The following LHX4 variants were observed in gnomAD, a reference collection of about 807,000 sequenced individuals.
LHX4 encodes the protein LIM/homeobox protein Lhx4.
In LHX4, 16 loss-of-function variants were observed where a neutral mutation model predicts 39.2. The ratio of observed to expected loss-of-function variants is 0.41; its 90% CI spans 0.28 to 0.62. LHX4 has a LOEUF of 0.62. Ranked by LOEUF, LHX4 falls within the 20% of genes least tolerant of loss-of-function variation. LHX4 has a pLI of 0.33. For missense variants in LHX4, 439 were observed against 511.9 expected (o/e 0.86, Z 1.37); for synonymous variants, 206 against 198.1 (o/e 1.04, Z -0.33).
At chr1:180,259,787 G>A (rs774608833) in intron 2 of LHX4, among the ~76,000 whole-genome samples, 15 of 151,650 alleles carry the variant, frequency 9.9e-5, no homozygotes, top group Admixed American at 2.0e-4. Flanking sequence ...AAGGAGGGAA[G>A]CGAGGGACAG....
At chr1:180,264,928 C>G (rs1341346203) in intron 2 of LHX4, among the ~76,000 whole-genome samples, 1 of 152,152 alleles carries the variant, frequency 6.6e-6, no homozygotes, top group African/African-American at 2.4e-5. Context: ...TCAGGATTAC[C>G]CATGCAGACT....
chr1:180,229,857 G>A (rs1011540162), upstream of LHX4, among the ~76,000 whole-genome samples: 1 of 151,530 alleles, frequency 6.6e-6, no homozygotes, highest in Non-Finnish European at 1.5e-5. Flanking sequence ...CGCAAACCCA[G>A]GGCGCCGCCG....
chr1:180,230,172 C>T (rs1408468176), upstream of LHX4: 4 of 374,534 alleles, frequency 1.1e-5, no homozygotes, highest in Non-Finnish European at 1.5e-5. The surrounding 1 kb of genome is among the most constrained non-coding windows in gnomAD (Gnocchi z 5.8). Context: ...AATCAAAACG[C>T]CCGGGTGACC....
At chr1:180,256,980 C>T (rs1157790849) in intron 2 of LHX4, among the ~76,000 whole-genome samples, 5 of 152,230 alleles carry the variant, frequency 3.3e-5, no homozygotes, top group African/African-American at 9.6e-5. Flanking sequence ...TGAGATGCCT[C>T]GCATGAAGTT....
chr1:180,250,553 T>C (rs1289443580), intron 2 of LHX4, among the ~76,000 whole-genome samples: 1 of 152,064 alleles, frequency 6.6e-6, no homozygotes, highest in Non-Finnish European at 1.5e-5. Flanking sequence ...CGGGGCAGGG[T>C]AGGTGCTGGA....
Position 180,232,687 on chromosome 1 carries a change from A to G in LHX4, c.76+2082A>G, listed in dbSNP as rs1265416697. Among the ~76,000 whole-genome samples the G allele has an allele frequency of 6.6e-6, 1 of 152,356 alleles. No homozygotes were observed. Among genetic ancestry groups the G allele is most frequent in the Non-Finnish European group, 1.5e-5 (1 of 68,030 alleles). On this transcript the variant is annotated intron_variant, in intron 1 of 5. Coordinates refer to ENST00000263726, the MANE Select transcript of LHX4 (RefSeq NM_033343.4). This position sits in a 1 kb window ranked among gnomAD's most constrained non-coding sequence, Gnocchi z 5.4. Reference sequence around the variant, plus strand: ...GATCCAGCTTTTATTTCCTCTTGGAATGTGAATGGATTGTAGCCTCCCTTG... The same window carrying G: ...GATCCAGCTTTTATTTCCTCTTGGAGTGTGAATGGATTGTAGCCTCCCTTG...
At chr1:180,255,661 A>T (rs1298598243) in intron 2 of LHX4, among the ~76,000 whole-genome samples, 1 of 152,250 alleles carries the variant, frequency 6.6e-6, no homozygotes, top group African/African-American at 2.4e-5. Context: ...AGAAGCAATT[A>T]CTTAGCCCCG....
At position 180,274,726 on chromosome 1, in the gene LHX4, C is replaced by T. The variant is rs1648923247; in HGVS notation, c.*147C>T. 9 of 933,230 alleles carry T rather than the reference C, an allele frequency of 9.6e-6. No homozygotes were observed. Among genetic ancestry groups the T allele is most frequent in the African/African-American group, 8.3e-5 (5 of 60,270 alleles). 57.8% of individuals were successfully genotyped at this position (933,230 alleles called of 1,614,324 possible). A position where few individuals can be genotyped will look rare whatever the true frequency, so the allele number is the denominator to read the frequency against. On this transcript the variant is annotated 3_prime_UTR_variant, in exon 6 of 6. Coordinates refer to ENST00000263726, the MANE Select transcript of LHX4 (RefSeq NM_033343.4). Reference sequence around the variant, plus strand: ...AAGTCCTCCGCTGATTCCTAGAAGGCTGTGAGACCACACTAGGGCATTGTT... The same window carrying T: ...AAGTCCTCCGCTGATTCCTAGAAGGTTGTGAGACCACACTAGGGCATTGTT...
At chr1:180,253,440 G>C (rs1647713542) in intron 2 of LHX4, among the ~76,000 whole-genome samples, 1 of 152,232 alleles carries the variant, frequency 6.6e-6, no homozygotes, top group East Asian at 1.9e-4. Context: ...AAGTTTCTTT[G>C]CATCTCTGAG....
rs200889836 is a variant in LHX4 at position 180,274,552 on chromosome 1, C to A, written c.1146C>A (p.Leu382=). ...TTCCAACTAGCCCAGGCTCTTGGCT[C>A]GATGAAATGGATCATCCTCCTTTTT... is the stretch of plus-strand genomic sequence containing the variant. ...PDFPTSPGSW[L]DEMDHPPF is the part of the protein sequence containing the mutation. The change falls in exon 6 of 6, where the codon CTC becomes CTA. Residue 382 remains leucine (L), a synonymous_variant. Coordinates refer to ENST00000263726, the MANE Select transcript of LHX4 (RefSeq NM_033343.4). 2 of 1,590,722 alleles carry A rather than the reference C, an allele frequency of 1.3e-6. No individual in the cohort carries two copies. The highest frequency in any genetic ancestry group is 1.7e-4 in the Middle Eastern group (1 of 6,002).
chr1:180,254,414 G>GC (rs1411886154), intron 2 of LHX4, among the ~76,000 whole-genome samples: 1 of 152,246 alleles, frequency 6.6e-6, no homozygotes, highest in Non-Finnish European at 1.5e-5. Context: ...CAGTCTGCAG[G>GC]CCGTAGGTGG....
upstream of LHX4, among the ~76,000 whole-genome samples, chr1:180,229,787 G>A (rs1664120231): frequency 6.7e-6 from 1 of 149,398 alleles, no homozygotes; most frequent in African/African-American, 2.5e-5. Flanking sequence ...CCCCGCCCCT[G>A]GGTCCGAACG....
chr1:180,264,378 A>AACACACACAC (rs10561933), intron 2 of LHX4, among the ~76,000 whole-genome samples: 3,762 of 145,356 alleles, frequency 0.026, 147 homozygotes, highest in African/African-American at 0.08. Context: ...ACACACACAT[A>AACACACACAC]ACACACACAC....
Position 180,230,423 on chromosome 1 carries a change from A to C in LHX4, c.-107A>C. On this transcript the variant is annotated 5_prime_UTR_variant, in exon 1 of 6. Coordinates refer to ENST00000263726, the MANE Select transcript of LHX4 (RefSeq NM_033343.4). The surrounding 1 kb of genome is among the most constrained non-coding windows in gnomAD (Gnocchi z 5.8). ...AGGGCCCGGCTTCCACCGTGACTCC[A>C]GCGGCCTGCTTGGGGTTTTAATTAT... is the stretch of plus-strand genomic sequence containing the variant. The C allele has an allele frequency of 5.4e-6, 5 of 929,936 alleles. No individual in the cohort carries two copies. Among genetic ancestry groups the C allele is most frequent in the Non-Finnish European group, 8.5e-6 (5 of 590,790 alleles). The allele number at this position is 929,936 out of a possible 1,614,324, so 57.6% of individuals were successfully genotyped here.
At chr1:180,247,850 G>A (rs528758393) in intron 1 of LHX4, among the ~76,000 whole-genome samples, 5 of 152,280 alleles carry the variant, frequency 3.3e-5, no homozygotes, top group African/African-American at 1.2e-4. Context: ...GGCCTGGGCA[G>A]GGCTCACTTT....
chr1:180,254,541 G>A (rs1647765257), intron 2 of LHX4, among the ~76,000 whole-genome samples: 1 of 152,266 alleles, frequency 6.6e-6, no homozygotes, highest in South Asian at 2.1e-4. Flanking sequence ...TGGTGGTGCT[G>A]GCTGCAGACA....
At position 180,271,348 on chromosome 1, in the gene LHX4, C is replaced by T. The variant is rs372050363; in HGVS notation, c.452-32C>T. 40 of 1,613,606 alleles carry T rather than the reference C, an allele frequency of 2.5e-5. 1 individual carries two copies. In the African/African-American group the frequency reaches 4.0e-4, roughly 16 times the overall value. On this transcript the variant is annotated intron_variant, in intron 3 of 5. Coordinates refer to ENST00000263726, the MANE Select transcript of LHX4 (RefSeq NM_033343.4). Reference sequence around the variant, plus strand: ...GGAGGCGCAGCTGCTGCAGATAGGCCGAAGCCAGTAAGCAGTGGTTTTTCC... The same window carrying T: ...GGAGGCGCAGCTGCTGCAGATAGGCTGAAGCCAGTAAGCAGTGGTTTTTCC...
At position 180,271,286 on chromosome 1, in the gene LHX4, G is replaced by A; in HGVS notation, c.452-94G>A. ...GCGCTGTCCTGCCTACAGCAGGCAG[G>A]CTTAGGTGCAGAAAGGATGGAAGGG... On this transcript the variant is annotated intron_variant, in intron 3 of 5. Transcript: ENST00000263726. 4.2e-6 allele frequency: 6 copies of A among 1,415,786 alleles called. No homozygotes were observed. The South Asian group carries it at 6.9e-5, about 16-fold the overall frequency. The allele number at this position is 1,415,786 out of a possible 1,614,324, so 87.7% of individuals were successfully genotyped here.
intron 2 of LHX4, among the ~76,000 whole-genome samples, chr1:180,263,963 A>C (rs1303080989): frequency 6.6e-6 from 1 of 152,124 alleles, no homozygotes; most frequent in Non-Finnish European, 1.5e-5. Flanking sequence ...GCCTTGTTTC[A>C]TTTTAATTAA....
Sources: gnomAD v4.1 joint callset for allele counts (sites outside exome capture counted in the v4.1 genomes callset) on GRCh38, gnomAD v4.1.1 for gene constraint, Gnocchi (gnomAD v3.1) non-coding constraint, MANE v1.5 for transcripts, NCBI Gene and HGNC (gene_info 2026-07-23, HGNC 2026-07-21) for gene names.